Variants in HOMER2 observed in about 807,000 individuals in gnomAD.
HOMER2 encodes homer protein homolog 2.
Under a neutral mutation model 47.0 loss-of-function variants are expected in HOMER2, and 27 were observed. The ratio of observed to expected loss-of-function variants is 0.57; its 90% confidence interval spans 0.42 to 0.79. HOMER2 has a LOEUF of 0.79. Ranked by LOEUF, HOMER2 falls within the 30% of genes least tolerant of loss-of-function variation. The pLI is 0.00. For synonymous variants in HOMER2, 161 were observed against 163.8 expected (o/e 0.98, Z 0.13); for missense variants, 443 against 435.0 (o/e 1.02, Z -0.16).
rs375671724 is a variant in HOMER2, at chr15:82,924,645, G to A, written c.5+27886C>T. Among the ~76,000 whole-genome samples, 314 of 152,216 alleles carry A rather than the reference G, an allele frequency of 2.1e-3. 1 individual carries two copies. The highest frequency in any genetic ancestry group is 6.8e-3 in the Middle Eastern group (2 of 294). ...CATACGGCAATGCTTGCTAAGATCC[G>A]CTCCCCGCAATCTCAGCAGAACCTT... is the stretch of plus-strand genomic sequence containing the variant. On this transcript the variant is annotated intron_variant, in intron 1 of 8. Transcript: ENST00000450735.
intron 1 of HOMER2, among the ~76,000 whole-genome samples, chr15:82,905,601 A>G (rs575259264): frequency 1.3e-5 from 2 of 152,346 alleles, no homozygotes; most frequent in Non-Finnish European, 2.9e-5. Flanking sequence ...CCTACAAAGG[A>G]ACAAAGATAA....
intron 2 of HOMER2, among the ~76,000 whole-genome samples, chr15:82,881,533 C>G (rs1197629828): frequency 6.6e-6 from 1 of 152,166 alleles, no homozygotes; most frequent in African/African-American, 2.4e-5. Flanking sequence ...AAATCACAGA[C>G]AGCGAAGAAA....
rs141960871 is a variant in HOMER2, at chr15:82,936,041, C to T, written c.5+16490G>A. Among the ~76,000 whole-genome samples the T allele has an allele frequency of 9.9e-3, 1,501 of 152,326 alleles. 10 individuals carry two copies. The highest frequency in any genetic ancestry group is 0.014 in the Non-Finnish European group (948 of 68,024). On this transcript the variant is annotated intron_variant, in intron 1 of 8. Coordinates refer to ENST00000450735, the MANE Select transcript of HOMER2 (RefSeq NM_004839.4). ...CTCAGCTCAATTTCGTCCTCGCATA[C>T]GTCTTTCTCCAATCTGAGACAGGGT...
chr15:82,868,780 A>AC (rs1318312879), intron 3 of HOMER2, among the ~76,000 whole-genome samples: 1 of 150,890 alleles, frequency 6.6e-6, no homozygotes, highest in Non-Finnish European at 1.5e-5. Flanking sequence ...CAAACTCCTG[A>AC]CCTCAGGTGA....
At chr15:82,836,582 CCT>C (rs1254072181), downstream of HOMER2, among the ~76,000 whole-genome samples, 6 of 152,238 alleles carry the variant, frequency 3.9e-5, no homozygotes, top group African/African-American at 1.2e-4. Context: ...TCTTCTCTGA[CCT>C]CTCTCTCCTA....
At chr15:82,836,320 C>G (rs578205487), downstream of HOMER2, among the ~76,000 whole-genome samples, 89 of 152,366 alleles carry the variant, frequency 5.8e-4, no homozygotes, top group African/African-American at 2.0e-3. Context: ...GTCTTCACCT[C>G]TCCCTGGCTT....
intron 5 of HOMER2, among the ~76,000 whole-genome samples, chr15:82,858,298 C>CT (rs1380845861): frequency 1.0e-4 from 15 of 144,368 alleles, no homozygotes; most frequent in Non-Finnish European, 1.7e-4. Context: ...TTTTTTTTTT[C>CT]TTTTTTTTGA....
chr15:82,951,070 G>T (rs1354824685), intron 1 of HOMER2, among the ~76,000 whole-genome samples: 1 of 152,038 alleles, frequency 6.6e-6, no homozygotes, highest in Non-Finnish European at 1.5e-5. Context: ...AACCTCAAAG[G>T]CTCTCACTGC....
intron 1 of HOMER2, among the ~76,000 whole-genome samples, chr15:82,984,924 G>C (rs141624943): frequency 1.6e-4 from 24 of 152,324 alleles, no homozygotes; most frequent in Non-Finnish European, 2.9e-4. Context: ...GGAAAGACTT[G>C]CAAGTAAATA....
At chr15:82,851,612 G>A (rs2051398662) in intron 7 of HOMER2, among the ~76,000 whole-genome samples, 2 of 152,136 alleles carry the variant, frequency 1.3e-5, no homozygotes, top group Non-Finnish European at 2.9e-5. Flanking sequence ...GGTGGCTGGC[G>A]CCGGGAGCTG....
chr15:82,874,890 C>A (rs1193068565), intron 3 of HOMER2, among the ~76,000 whole-genome samples: 1 of 152,208 alleles, frequency 6.6e-6, no homozygotes, highest in African/African-American at 2.4e-5. Flanking sequence ...TGCCCTCACA[C>A]AGGAAGGTCA....
chr15:82,860,983 A>AGAGAGAGAGAGAGAG (rs1363103915), intron 4 of HOMER2, among the ~76,000 whole-genome samples: 26 of 66,478 alleles, frequency 3.9e-4, no homozygotes, highest in Admixed American at 2.2e-3. Context: ...GAGAGAGAGA[A>AGAGAGAGAGAGAGAG]AGCGAAAGAG....
intron 5 of HOMER2, 147 bp downstream of exon 5, chr15:82,858,882 C>A: frequency 1.1e-6 from 1 of 907,286 alleles, no homozygotes; most frequent in South Asian, 1.8e-5. Context: ...GCCAGCTGGC[C>A]TTCCTTTCAC....
At chr15:82,866,598 G>T (rs888153021) in intron 3 of HOMER2, among the ~76,000 whole-genome samples, 2 of 152,222 alleles carry the variant, frequency 1.3e-5, no homozygotes, top group East Asian at 1.9e-4. Flanking sequence ...ATCTTGAATT[G>T]TAACTCCCAC....
At chr15:82,915,734 G>T (rs1364526130) in intron 1 of HOMER2, among the ~76,000 whole-genome samples, 1 of 152,052 alleles carries the variant, frequency 6.6e-6, no homozygotes, top group Non-Finnish European at 1.5e-5. Flanking sequence ...CCACTTCTTG[G>T]AATCTATTCA....
intron 1 of HOMER2, among the ~76,000 whole-genome samples, chr15:82,932,796 G>C (rs983799142): frequency 1.3e-5 from 2 of 152,136 alleles, no homozygotes; most frequent in Non-Finnish European, 2.9e-5. Context: ...ACAAGGTTTG[G>C]ACAAAGCTTT....
chr15:82,868,541 A>ATATATATATTTTTTTTTTTTTT, intron 3 of HOMER2, among the ~76,000 whole-genome samples: 1 of 71,290 alleles, frequency 1.4e-5, no homozygotes, highest in African/African-American at 5.0e-5. Flanking sequence ...ATATATATAT[A>ATATATATATTTTTTTTTTTTTT]TTTTTTTTTT....
intron 6 of HOMER2, among the ~76,000 whole-genome samples, chr15:82,853,496 G>A (rs1338535130): frequency 6.6e-6 from 1 of 152,182 alleles, no homozygotes; most frequent in Non-Finnish European, 1.5e-5. Context: ...GTGACAGAGG[G>A]CTGGGATGCA....
chr15:82,889,985 G>A (rs1596325250), intron 2 of HOMER2, among the ~76,000 whole-genome samples: 1 of 152,160 alleles, frequency 6.6e-6, no homozygotes, highest in East Asian at 1.9e-4. Context: ...GTTCCCTCAT[G>A]GGATGCTTCC....
Sources: allele counts gnomAD v4.1 joint callset (sites outside exome capture counted in the v4.1 genomes callset), GRCh38; gene constraint gnomAD v4.1.1; transcripts MANE v1.5; gene names NCBI Gene and HGNC (gene_info 2026-07-23, HGNC 2026-07-21).